Variants in PCDHGA12 observed in about 807,000 individuals in gnomAD.
PCDHGA12 encodes protocadherin gamma-A12.
In PCDHGA12, 43 loss-of-function variants were observed where a neutral mutation model predicts 61.1. The ratio of observed to expected loss-of-function variants is 0.70; its 90% CI spans 0.55 to 0.91. The LOEUF is 0.91. Ranked by LOEUF, PCDHGA12 falls within the 40% of genes least tolerant of loss-of-function variation. The probability of loss-of-function intolerance (pLI) is 0.00; values close to 1 mark genes in which losing one functional copy is unlikely to be tolerated. For synonymous variants in PCDHGA12, 520 were observed against 542.9 expected (o/e 0.96, Z 0.59); for missense variants, 1,236 against 1,227.7 (o/e 1.01, Z -0.10).
In PCDHGA12 at chr5:141,486,223, C is replaced by G. The variant is rs1164723634; in HGVS notation, c.2425-8584C>G. ...ACGTAAATGACAATGCCCCTTACATCACAGTGACCTCAGAGCTTGGAACCC... is the reference window on the plus strand; with the variant it reads ...ACGTAAATGACAATGCCCCTTACATGACAGTGACCTCAGAGCTTGGAACCC... On this transcript the variant is annotated intron_variant, in intron 1 of 3. Coordinates refer to ENST00000252085, the MANE Select transcript of PCDHGA12 (RefSeq NM_003735.3). The surrounding 1 kb of genome is among the most constrained non-coding windows in gnomAD (Gnocchi z 5.0). The G allele has an allele frequency of 6.2e-7, 1 of 1,614,148 alleles. No homozygotes were observed. Among genetic ancestry groups the G allele is most frequent in the Admixed American group, 1.7e-5 (1 of 60,032 alleles).
rs773174763 is a variant in PCDHGA12 at position 141,477,409 on chromosome 5, C to T, written c.2425-17398C>T. The T allele has an allele frequency of 1.4e-5, 22 of 1,614,058 alleles. No homozygotes were observed. The highest frequency in any genetic ancestry group is 1.7e-5 in the Admixed American group (1 of 60,006). On this transcript the variant is annotated intron_variant, in intron 1 of 3. Transcript: ENST00000252085. This position sits in a 1 kb window ranked among gnomAD's most constrained non-coding sequence, Gnocchi z 4.9. ...ACAACCTCAGCATCACCGCCCGAGA[C>T]GCCGGAACCCCTTCCCTCTCAGCCC...
At chr5:141,464,611 A>G (rs2099087451) in intron 1 of PCDHGA12, among the ~76,000 whole-genome samples, 3 of 152,194 alleles carry the variant, frequency 2.0e-5, no homozygotes, top group African/African-American at 7.2e-5. Context: ...TTTGCAGAGT[A>G]TATTGTCAAG....
intron 1 of PCDHGA12, among the ~76,000 whole-genome samples, chr5:141,479,817 A>T (rs773702225): frequency 6.6e-6 from 1 of 152,230 alleles, no homozygotes; most frequent in Non-Finnish European, 1.5e-5. Flanking sequence ...CAAGGATACT[A>T]TCCAAGGCAT....
chr5:141,511,048 C>G lies in PCDHGA12; in HGVS notation c.2674C>G (p.Arg892Gly). The G allele has an allele frequency of 6.2e-7, 1 of 1,614,224 alleles. No homozygotes were observed. Among genetic ancestry groups the G allele is most frequent in the Non-Finnish European group, 8.5e-7 (1 of 1,180,028 alleles). ...QFTLQHVPDYRQNVYIPGSNA... is the reference protein window; with the variant it reads ...QFTLQHVPDYGQNVYIPGSNA... ...CACCCTGCAGCACGTGCCCGACTAC[C>G]GCCAGAATGTCTACATCCCAGGCAG... Residue 892 changes from arginine (R) to glycine (G), a missense_variant, in exon 4 of 4, where the codon CGC becomes GGC. Arg to Gly is a moderately radical substitution (Grantham distance 125, BLOSUM62 -2). Transcript: ENST00000252085.
At chr5:141,480,828 TAAGATC>T (rs1054950452) in intron 1 of PCDHGA12, among the ~76,000 whole-genome samples, 22 of 152,260 alleles carry the variant, frequency 1.4e-4, no homozygotes, top group African/African-American at 5.1e-4. Context: ...GGGTGGATCA[TAAGATC>T]AGGAGTTTGA....
chr5:141,433,017 A>G lies in PCDHGA12; in HGVS notation c.2258A>G (p.Tyr753Cys). Residue 753 changes from tyrosine (Y) to cysteine (C), a missense_variant, in exon 1 of 4, where the codon TAT becomes TGT. By Grantham distance (194) the Tyr-to-Cys change is radical (BLOSUM62 -2). Coordinates refer to ENST00000252085, the MANE Select transcript of PCDHGA12 (RefSeq NM_003735.3). ...GGGGTGCAGGCTTTCCTGCAGACCT[A>G]TTCCCACGAGGTTTCCCTCACCACG... ...VDGVQAFLQTYSHEVSLTTDS... is the reference protein window; with the variant it reads ...VDGVQAFLQTCSHEVSLTTDS... The G allele has an allele frequency of 1.2e-6, 2 of 1,614,124 alleles. No homozygotes were observed. Among genetic ancestry groups the G allele is most frequent in the Non-Finnish European group, 8.5e-7 (1 of 1,180,018 alleles).
intron 1 of PCDHGA12, chr5:141,468,330 C>CAAAAAAAAA (rs533390277): frequency 1.3e-5 from 1 of 79,886 alleles, no homozygotes; most frequent in African/African-American, 3.9e-5. Context: ...AACTCCATCT[C>CAAAAAAAAA]AAAAAAAAAA....
At chr5:141,500,293 C>T (rs1380080572) in intron 2 of PCDHGA12, among the ~76,000 whole-genome samples, 3 of 151,870 alleles carry the variant, frequency 2.0e-5, no homozygotes, top group Non-Finnish European at 4.4e-5. Flanking sequence ...ACTGCAAGCT[C>T]CGCCTCCCAG....
chr5:141,455,502 A>G (rs888549465), intron 1 of PCDHGA12, among the ~76,000 whole-genome samples: 12 of 152,206 alleles, frequency 7.9e-5, no homozygotes, highest in African/African-American at 2.7e-4. Flanking sequence ...TCTGATTTGC[A>G]TAGGGCTCAG....
At chr5:141,435,026 C>T (rs977017371) in intron 1 of PCDHGA12, among the ~76,000 whole-genome samples, 1 of 151,978 alleles carries the variant, frequency 6.6e-6, no homozygotes, top group Non-Finnish European at 1.5e-5. Flanking sequence ...GCTCTTTTCC[C>T]ACTTTTATTT....
intron 1 of PCDHGA12, among the ~76,000 whole-genome samples, chr5:141,473,736 G>A (rs1278322296): frequency 1.3e-5 from 2 of 152,202 alleles, no homozygotes; most frequent in Non-Finnish European, 2.9e-5. Flanking sequence ...AGAGGGAGAA[G>A]ACATGAGAAC....
At chr5:141,462,627 A>T (rs1200455153) in intron 1 of PCDHGA12, among the ~76,000 whole-genome samples, 1 of 150,276 alleles carries the variant, frequency 6.7e-6, no homozygotes, top group East Asian at 1.9e-4. Flanking sequence ...TAGAAGTTCC[A>T]TTTGACTCTT....
At chr5:141,504,842 A>G (rs944461166) in intron 2 of PCDHGA12, among the ~76,000 whole-genome samples, 7 of 151,968 alleles carry the variant, frequency 4.6e-5, no homozygotes, top group African/African-American at 1.7e-4. Context: ...CTAGCTCTGG[A>G]ACATTCTCTT....
In PCDHGA12 at chr5:141,430,974, C is replaced by G; in HGVS notation, c.215C>G (p.Thr72Arg). Residue 72 changes from threonine (T) to arginine (R), a missense_variant, in exon 1 of 4, where the codon ACG becomes AGG. By Grantham distance (71) the Thr-to-Arg change is moderately conservative. Transcript: ENST00000252085. The part of the protein sequence containing the change: ...RGVRIIPRGR[T>R]QLFALNPRSG... ...GTCCGCATCATCCCCAGAGGTAGGACGCAGCTTTTCGCCCTGAATCCGCGC... is the reference window on the plus strand; with the variant it reads ...GTCCGCATCATCCCCAGAGGTAGGAGGCAGCTTTTCGCCCTGAATCCGCGC... The G allele has an allele frequency of 6.2e-7, 1 of 1,613,072 alleles. No individual in the cohort carries two copies. Among genetic ancestry groups the G allele is most frequent in the East Asian group, 2.2e-5 (1 of 44,874 alleles).
At position 141,446,758 on chromosome 5, in the gene PCDHGA12, C is replaced by T. The variant is rs776925316; in HGVS notation, c.2424+13575C>T. Among the ~76,000 whole-genome samples, 10 of 152,208 alleles carry T rather than the reference C, an allele frequency of 6.6e-5. 1 individual carries two copies. Among genetic ancestry groups the T allele is most frequent in the African/African-American group, 9.7e-5 (4 of 41,448 alleles). On this transcript the variant is annotated intron_variant, in intron 1 of 3. Transcript: ENST00000252085. ...TGGGGATTACAGGCGTGAGCCACCG[C>T]GCCCAGCCGGTTACCATTCTTTTAC...
chr5:141,465,240 G>C (rs569146939), intron 1 of PCDHGA12, among the ~76,000 whole-genome samples: 22 of 152,168 alleles, frequency 1.4e-4, no homozygotes, highest in African/African-American at 5.3e-4. Flanking sequence ...TCAAGTTCAA[G>C]GCACTTTTGT....
rs532517723 is a variant in PCDHGA12, at chr5:141,486,244, A to G, written c.2425-8563A>G. The G allele has an allele frequency of 1.2e-5, 19 of 1,614,068 alleles. No homozygotes were observed. The Admixed American group carries it at 2.3e-4, about 20-fold the overall frequency. On this transcript the variant is annotated intron_variant, in intron 1 of 3. Coordinates refer to ENST00000252085, the MANE Select transcript of PCDHGA12 (RefSeq NM_003735.3). This position sits in a 1 kb window ranked among gnomAD's most constrained non-coding sequence, Gnocchi z 5.0. ...ACATCACAGTGACCTCAGAGCTTGGAACCCTCCCCGAGAGTGCAGAACCTG... is the reference window on the plus strand; with the variant it reads ...ACATCACAGTGACCTCAGAGCTTGGGACCCTCCCCGAGAGTGCAGAACCTG...
intron 3 of PCDHGA12, among the ~76,000 whole-genome samples, chr5:141,510,329 A>T (rs1433056614): frequency 2.7e-5 from 4 of 150,230 alleles, no homozygotes; most frequent in Admixed American, 2.7e-4. Flanking sequence ...AGCACTCTTC[A>T]CCCCCACCCC....
At chr5:141,440,593 T>C (rs1456640262) in intron 1 of PCDHGA12, 1 of 152,202 alleles carries the variant, frequency 6.6e-6, no homozygotes, top group African/African-American at 2.4e-5. Context: ...TGGAACAAGA[T>C]TTGCAACAGA....
Sources: gnomAD v4.1 joint callset for allele counts (sites outside exome capture counted in the v4.1 genomes callset) on GRCh38, gnomAD v4.1.1 for gene constraint, Gnocchi (gnomAD v3.1) non-coding constraint, MANE v1.5 for transcripts, NCBI Gene and HGNC (gene_info 2026-07-23, HGNC 2026-07-21) for gene names.